Variants in TTYH3 observed in about 807,000 individuals in gnomAD.
The protein encoded by TTYH3 is tweety family member 3, also known as protein tweety homolog 3.
Under a neutral mutation model 68.2 loss-of-function variants are expected in TTYH3, and 23 were observed. That is an observed-to-expected ratio of 0.34 (90% CI 0.24 to 0.48). The LOEUF is 0.48. Ranked by LOEUF, TTYH3 falls within the 20% of genes least tolerant of loss-of-function variation. TTYH3 has a pLI of 0.99. For synonymous variants in TTYH3, 360 were observed against 332.8 expected, an observed-to-expected ratio of 1.08 and a Z score of -0.89; for missense variants, 768 against 727.7, an observed-to-expected ratio of 1.06 and a Z score of -0.64.
Position 2,645,636 on chromosome 7 carries a change from TG to T in TTYH3, c.124-1213del. 2.6e-6 allele frequency: 1 copy of T among 386,068 alleles called. No homozygotes were observed. 23.9% of individuals were successfully genotyped at this position (386,068 alleles called of 1,614,324 possible). On this transcript the variant is annotated intron_variant, in intron 1 of 13. Transcript: ENST00000258796. This position sits in a 1 kb window ranked among gnomAD's most constrained non-coding sequence, Gnocchi z 4.8. ...CGCCTGTATGCAGCCTGTAGCAGTG[TG>T]GGGCCAGCCCCACCATCTCATCCAG...
At position 2,654,009 on chromosome 7, in the gene TTYH3, CTGTGGGCACAAG is replaced by C. The variant is rs542416694; in HGVS notation, c.1020+1006_1020+1017del. Among the ~76,000 whole-genome samples the C allele has an allele frequency of 2.1e-3, 318 of 152,376 alleles. 1 individual carries two copies. Among genetic ancestry groups the C allele is most frequent in the Middle Eastern group, 0.02 (6 of 294 alleles). On this transcript the variant is annotated intron_variant, in intron 9 of 13. Coordinates refer to ENST00000258796, the MANE Select transcript of TTYH3 (RefSeq NM_025250.3). ...TGGACATGAAGAGGGAGGAGTGCGT[CTGTGGGCACAAG>C]TGTGGGTCTCAGACTCCATTTGGGA...
Position 2,645,396 on chromosome 7 carries a change from A to G in TTYH3, c.124-1457A>G, listed in dbSNP as rs1785953245. Reference sequence around the variant, plus strand: ...CGAATGCAGTGCCAGGAGAAGGGACAGCTCTGGGGCCACGTTACCCTCCCT... The same window carrying G: ...CGAATGCAGTGCCAGGAGAAGGGACGGCTCTGGGGCCACGTTACCCTCCCT... On this transcript the variant is annotated intron_variant, in intron 1 of 13. Transcript: ENST00000258796. This position sits in a 1 kb window ranked among gnomAD's most constrained non-coding sequence, Gnocchi z 4.8. The G allele has an allele frequency of 1.2e-5, 2 of 167,542 alleles. No homozygotes were observed. The highest frequency in any genetic ancestry group is 6.0e-5 in the Admixed American group (1 of 16,764). The allele number at this position is 167,542 out of a possible 1,614,324, so 10.4% of individuals were successfully genotyped here.
At chr7:2,644,329 A>G (rs971807419) in intron 1 of TTYH3, among the ~76,000 whole-genome samples, 5 of 152,184 alleles carry the variant, frequency 3.3e-5, no homozygotes, top group African/African-American at 1.2e-4. Context: ...AGGGAGCCCC[A>G]GAGCGTGGCT....
At chr7:2,660,576 A>G (rs1241120925) in intron 13 of TTYH3, 1 of 633,732 alleles carries the variant, frequency 1.6e-6, no homozygotes, top group Non-Finnish European at 1.7e-6. Flanking sequence ...TCCCGCCCCC[A>G]TCCCCTCCCC....
At chr7:2,659,625 G>A (rs1336781042) in intron 13 of TTYH3, among the ~76,000 whole-genome samples, 2 of 152,226 alleles carry the variant, frequency 1.3e-5, no homozygotes, top group African/African-American at 4.8e-5. Context: ...AGTTGGTGGC[G>A]AAGCTGGGGG....
At chr7:2,637,632 C>T (rs987088328) in intron 1 of TTYH3, among the ~76,000 whole-genome samples, 10 of 152,180 alleles carry the variant, frequency 6.6e-5, no homozygotes, top group South Asian at 2.1e-4. Flanking sequence ...GAAGAGGAAC[C>T]GAATCTGCAG....
At chr7:2,633,975 G>T (rs982828187) in intron 1 of TTYH3, among the ~76,000 whole-genome samples, 7 of 152,234 alleles carry the variant, frequency 4.6e-5, no homozygotes, top group Non-Finnish European at 1.0e-4. Flanking sequence ...AGCCTGACCT[G>T]CCTGGCCTCC....
At chr7:2,658,783 T>C (rs1786409358) in intron 12 of TTYH3, among the ~76,000 whole-genome samples, 157 bp from the exon 13 acceptor site, 1 of 152,074 alleles carries the variant, frequency 6.6e-6, no homozygotes, top group Non-Finnish European at 1.5e-5. Flanking sequence ...CTGTGGGCCC[T>C]CTCTGAGCCC....
chr7:2,651,820 C>T (rs532558478), intron 7 of TTYH3, among the ~76,000 whole-genome samples: 4 of 152,200 alleles, frequency 2.6e-5, no homozygotes, highest in Non-Finnish European at 5.9e-5. Context: ...AGGCAAGGGG[C>T]AGTGTGTGGG....
In TTYH3 at chr7:2,648,055, G is replaced by T; in HGVS notation, c.722+1G>T. On this transcript the variant is annotated splice_donor_variant, in intron 5 of 13. Transcript: ENST00000258796. LOFTEE classifies it high-confidence loss of function. ...GCAGCTCCAAGGGCATCCTGGTGGGGTGAGTCTGGGGGTGTCGGCCCCCCG... is the reference window on the plus strand; with the variant it reads ...GCAGCTCCAAGGGCATCCTGGTGGGTTGAGTCTGGGGGTGTCGGCCCCCCG... The T allele has an allele frequency of 6.2e-7, 1 of 1,608,358 alleles. No homozygotes were observed. Among genetic ancestry groups the T allele is most frequent in the Non-Finnish European group, 8.5e-7 (1 of 1,179,662 alleles).
Position 2,647,462 on chromosome 7 carries a change from C to A in TTYH3, c.450C>A (p.Ser150Arg). 6.5e-7 allele frequency: 1 copy of A among 1,532,536 alleles called. No homozygotes were observed. 94.9% of individuals were successfully genotyped at this position (1,532,536 alleles called of 1,614,324 possible). A position where few individuals can be genotyped will look rare whatever the true frequency, so the allele number is the denominator to read the frequency against. ...GGCTGAACCACACGGCGGAGCCCAG[C>A]CTGCAGACCCTGGAGCGGCAGCTGG... ...AVGLNHTAEPSLQTLERQLAG... is the reference protein window; with the variant it reads ...AVGLNHTAEPRLQTLERQLAG... Residue 150 changes from serine (S) to arginine (R), a missense_variant, in exon 4 of 14, where the codon AGC (serine) becomes AGA (arginine). By Grantham distance (110) the Ser-to-Arg change is moderately radical. Coordinates refer to ENST00000258796, the MANE Select transcript of TTYH3 (RefSeq NM_025250.3).
Position 2,658,518 on chromosome 7 carries a change from G to A in TTYH3, c.1424+59G>A, listed in dbSNP as rs141278188. On this transcript the variant is annotated intron_variant, in intron 12 of 13. Transcript: ENST00000258796. ...CACGTCAGCTGCGGCTGAGAGCGCG[G>A]ATCTGGGCTGGGGCTAGCTCGAGGC... 1,656 of 1,548,058 alleles carry A rather than the reference G, an allele frequency of 1.1e-3. 49 individuals are homozygous for A. In the East Asian group the frequency reaches 0.034, roughly 32 times the overall value.
chr7:2,650,846 G>T (rs1185377829), intron 7 of TTYH3, among the ~76,000 whole-genome samples: 3 of 151,948 alleles, frequency 2.0e-5, no homozygotes, highest in Non-Finnish European at 4.4e-5. Context: ...GACAGCAGGG[G>T]CTTGAATAAA....
rs1786514065 is a variant in TTYH3, at chr7:2,662,099, TCCTC to T, written c.*363_*366del. 2.2e-6 allele frequency: 1 copy of T among 448,760 alleles called. No individual in the cohort carries two copies. The highest frequency in any genetic ancestry group is 3.7e-5 in the Admixed American group (1 of 26,796). 27.8% of individuals were successfully genotyped at this position (448,760 alleles called of 1,614,324 possible). ...CGGCCCTTCCCTCCACAGCTCTCCTTCCTCCCGCCCGGCACTTCTGTGGACCCCT... is the reference window on the plus strand; with the variant it reads ...CGGCCCTTCCCTCCACAGCTCTCCTTCCGCCCGGCACTTCTGTGGACCCCT... On this transcript the variant is annotated 3_prime_UTR_variant, in exon 14 of 14. Coordinates refer to ENST00000258796, the MANE Select transcript of TTYH3 (RefSeq NM_025250.3).
chr7:2,656,277 G>A, intron 10 of TTYH3, 93 bp downstream of exon 10: 2 of 1,565,794 alleles, frequency 1.3e-6, no homozygotes, highest in Admixed American at 3.4e-5. Context: ...TCAGCAGACA[G>A]TGGGTCCTCA....
intron 1 of TTYH3, among the ~76,000 whole-genome samples, chr7:2,642,938 C>G (rs1195642710): frequency 6.6e-6 from 1 of 151,736 alleles, no homozygotes; most frequent in African/African-American, 2.4e-5. Context: ...TGGCGGGTAC[C>G]TGTAATCCCA....
intron 1 of TTYH3, among the ~76,000 whole-genome samples, chr7:2,639,164 A>G (rs1785761616): frequency 6.6e-6 from 1 of 152,128 alleles, no homozygotes; most frequent in South Asian, 2.1e-4. Context: ...GCTGGAGTTC[A>G]GCATCCGTGG....
chr7:2,643,598 C>T (rs1785909603), intron 1 of TTYH3, among the ~76,000 whole-genome samples: 1 of 152,236 alleles, frequency 6.6e-6, no homozygotes, highest in Admixed American at 6.5e-5. Context: ...CAGCCCTCTG[C>T]ACCAGGGCAG....
chr7:2,660,384 T>C (rs1786462597), intron 13 of TTYH3: 1 of 985,390 alleles, frequency 1.0e-6, no homozygotes, highest in African/African-American at 1.7e-5. Flanking sequence ...CCCGGGCCCC[T>C]GGGCATGTGG....
Sources: gnomAD v4.1 joint callset for allele counts (sites outside exome capture counted in the v4.1 genomes callset) on GRCh38, gnomAD v4.1.1 for gene constraint, Gnocchi (gnomAD v3.1) non-coding constraint, MANE v1.5 for transcripts, NCBI Gene and HGNC (gene_info 2026-07-23, HGNC 2026-07-21) for gene names.